Variants in CLSTN2 observed in about 807,000 individuals in gnomAD.
CLSTN2 encodes the protein calsyntenin 2.
In CLSTN2, 48 loss-of-function variants were observed where a neutral mutation model predicts 101.2. The observed-to-expected ratio is 0.47, with a 90% CI of 0.38 to 0.60. The LOEUF (loss-of-function observed/expected upper bound fraction) is 0.60, where lower values mean the gene tolerates loss of function less well. Among genes scored for constraint, CLSTN2 ranks in the 20% least tolerant of loss-of-function variants. The pLI is 0.00. For synonymous variants in CLSTN2, 481 were observed against 463.6 expected (o/e 1.04, Z -0.48); for missense variants, 1,160 against 1,238.2 (o/e 0.94, Z 0.95).
At chr3:140,217,235 C>T (rs914799354) in intron 2 of CLSTN2, among the ~76,000 whole-genome samples, 1 of 125,784 alleles carries the variant, frequency 8.0e-6, no homozygotes, top group Admixed American at 9.0e-5. Context: ...CCTTAGAGAA[C>T]AGTTTATTTT....
chr3:140,451,657 A>G (rs1933255415), intron 6 of CLSTN2, among the ~76,000 whole-genome samples: 1 of 152,130 alleles, frequency 6.6e-6, no homozygotes, highest in Non-Finnish European at 1.5e-5. Flanking sequence ...CCATGTAGGG[A>G]CTCAGGTTCT....
chr3:140,066,056 C>T (rs73226926), intron 1 of CLSTN2, among the ~76,000 whole-genome samples: 293 of 152,324 alleles, frequency 1.9e-3, no homozygotes, highest in Middle Eastern at 3.4e-3. Context: ...TGAAGCTTTA[C>T]GCAATCAAAT....
intron 12 of CLSTN2, 52 bp downstream of exon 12, chr3:140,558,909 C>G (rs767548477): frequency 7.2e-7 from 1 of 1,381,758 alleles, no homozygotes; most frequent in African/African-American, 1.4e-5. Context: ...TTTTTACAGC[C>G]ATGTGAAAAC....
intron 5 of CLSTN2, among the ~76,000 whole-genome samples, chr3:140,433,227 T>C (rs908896705): frequency 2.0e-5 from 3 of 152,186 alleles, no homozygotes; most frequent in South Asian, 4.1e-4. Context: ...GGACCATGGC[T>C]TGTGGATGGT....
chr3:140,113,106 G>C (rs1325756137), intron 1 of CLSTN2, among the ~76,000 whole-genome samples: 1 of 152,104 alleles, frequency 6.6e-6, no homozygotes, highest in East Asian at 1.9e-4. Context: ...TTGTTAAACT[G>C]TTAGTGGCTT....
intron 1 of CLSTN2, among the ~76,000 whole-genome samples, chr3:140,013,450 G>A (rs16849687): frequency 0.063 from 9,546 of 152,286 alleles, 401 homozygotes; most frequent in East Asian, 0.17. Flanking sequence ...TTTGTCGCTG[G>A]AAGTGTGGGA....
chr3:140,437,852 T>C (rs2088704112), intron 5 of CLSTN2, among the ~76,000 whole-genome samples: 1 of 152,250 alleles, frequency 6.6e-6, no homozygotes, highest in Non-Finnish European at 1.5e-5. Context: ...CATAGTTCAA[T>C]TAATGCAGTA....
At chr3:140,355,184 G>T (rs1162932151) in intron 2 of CLSTN2, among the ~76,000 whole-genome samples, 1 of 152,152 alleles carries the variant, frequency 6.6e-6, no homozygotes, top group Non-Finnish European at 1.5e-5. Context: ...AAAAAGTAAT[G>T]ACACTTCTTA....
At chr3:140,393,821 A>G (rs928525259) in intron 2 of CLSTN2, among the ~76,000 whole-genome samples, 1 of 152,198 alleles carries the variant, frequency 6.6e-6, no homozygotes, top group African/African-American at 2.4e-5. Context: ...AACTGGGTCC[A>G]GGGCAGTATT....
intron 8 of CLSTN2, among the ~76,000 whole-genome samples, chr3:140,470,953 T>C (rs1352455091): frequency 6.6e-6 from 1 of 152,146 alleles, no homozygotes; most frequent in Admixed American, 6.5e-5. Flanking sequence ...AGAGGCACTG[T>C]GTGCTTTAGT....
At chr3:139,993,165 C>T (rs1481038384) in intron 1 of CLSTN2, among the ~76,000 whole-genome samples, 1 of 152,102 alleles carries the variant, frequency 6.6e-6, no homozygotes, top group Non-Finnish European at 1.5e-5. Flanking sequence ...CTCATTCCCT[C>T]ATAGGGAGAT....
chr3:140,140,692 GATAA>G (rs748247233), intron 1 of CLSTN2, among the ~76,000 whole-genome samples: 103 of 152,312 alleles, frequency 6.8e-4, no homozygotes, highest in Non-Finnish European at 4.1e-4. Flanking sequence ...AGATCAGATT[GATAA>G]ATAGTTTGTT....
At chr3:140,388,924 T>C (rs529910930) in intron 2 of CLSTN2, among the ~76,000 whole-genome samples, 1 of 152,034 alleles carries the variant, frequency 6.6e-6, no homozygotes, top group South Asian at 2.1e-4. Flanking sequence ...TATATGAATG[T>C]TAACTTTTGG....
chr3:140,375,322 A>T (rs1318218359), intron 2 of CLSTN2, among the ~76,000 whole-genome samples: 1 of 152,116 alleles, frequency 6.6e-6, no homozygotes, highest in African/African-American at 2.4e-5. Flanking sequence ...ATCCCTGGGG[A>T]TCTCCACTCA....
At chr3:140,298,388 G>A (rs1275920418) in intron 2 of CLSTN2, among the ~76,000 whole-genome samples, 2 of 152,178 alleles carry the variant, frequency 1.3e-5, no homozygotes, top group East Asian at 1.9e-4. Flanking sequence ...TAGACCGGAA[G>A]GAAATAACAA....
At chr3:140,549,340 A>G (rs1333739747) in intron 10 of CLSTN2, among the ~76,000 whole-genome samples, 1 of 151,468 alleles carries the variant, frequency 6.6e-6, no homozygotes, top group Non-Finnish European at 1.5e-5. Flanking sequence ...AGGTGCTAAA[A>G]TAAGTGGCAC....
intron 1 of CLSTN2, among the ~76,000 whole-genome samples, chr3:140,122,352 G>A (rs545954747): frequency 1.3e-5 from 2 of 152,190 alleles, no homozygotes; most frequent in Non-Finnish European, 2.9e-5. Context: ...CTGGCAAAAT[G>A]CCGTGGATAG....
chr3:140,167,725 C>G (rs1389081602), intron 1 of CLSTN2, among the ~76,000 whole-genome samples: 1 of 152,200 alleles, frequency 6.6e-6, no homozygotes. Context: ...ACCCCAAACC[C>G]TAGCCACTAC....
intron 12 of CLSTN2, among the ~76,000 whole-genome samples, chr3:140,560,053 A>G (rs9876855): frequency 0.61 from 92,764 of 152,070 alleles, 31,604 homozygotes; most frequent in Middle Eastern, 0.79. Context: ...GATTTGCTAC[A>G]TCTGACACCA....
Sources: gnomAD v4.1 joint callset for allele counts (sites outside exome capture counted in the v4.1 genomes callset) on GRCh38, gnomAD v4.1.1 for gene constraint, MANE v1.5 for transcripts, NCBI Gene and HGNC (gene_info 2026-07-23, HGNC 2026-07-21) for gene names.